The following SLC13A4 variants were observed in gnomAD, a reference collection of about 807,000 sequenced individuals.
The protein encoded by SLC13A4 is Na(+)/sulfate cotransporter SUT-1.
SLC13A4 carries 28 observed loss-of-function variants against 72.7 expected under a neutral mutation model. The ratio of observed to expected loss-of-function variants is 0.39; its 90% CI spans 0.29 to 0.53. The LOEUF (loss-of-function observed/expected upper bound fraction) is 0.53, where lower values mean the gene tolerates loss of function less well. Among genes scored for constraint, SLC13A4 ranks in the 20% least tolerant of loss-of-function variants. The pLI, the probability that SLC13A4 is intolerant of heterozygous loss-of-function variation, is 0.78. For missense variants in SLC13A4, 653 were observed against 788.0 expected (o/e 0.83, Z 2.05); for synonymous variants, 312 against 325.5 (o/e 0.96, Z 0.45).
chr7:135,705,581 G>C lies in SLC13A4; in HGVS notation c.593+15C>G. 6.2e-7 allele frequency: 1 copy of C among 1,613,256 alleles called. No homozygotes were observed. The highest frequency in any genetic ancestry group is 8.5e-7 in the Non-Finnish European group (1 of 1,179,264). On this transcript the variant is annotated intron_variant, in intron 5 of 15. Coordinates refer to ENST00000682651, the MANE Select transcript of SLC13A4 (RefSeq NM_001318192.2). ...CTCTGAGAGGCGCTGTCTGGGAGAG[G>C]GCAGTCATACTCACTCTTCATTGAC...
In SLC13A4 at chr7:135,727,447, A is replaced by G; in HGVS notation, c.50T>C (p.Val17Ala). 1 of 1,550,206 alleles carries G rather than the reference A, an allele frequency of 6.5e-7. No homozygotes were observed. Among genetic ancestry groups the G allele is most frequent in the Non-Finnish European group, 8.7e-7 (1 of 1,146,920 alleles). ...AGGCAGCAGCAGGAGCGGGACGCAG[A>G]CGACCAGCAGCAGCTTCCGGACTCG... ...LLRVRKLLLV[V>A]CVPLLLLPLP... Residue 17 changes from valine (V) to alanine (A), a missense_variant, in exon 1 of 16, where the codon GTC becomes GCC. Val to Ala is a moderately conservative substitution (Grantham distance 64). Transcript: ENST00000682651.
chr7:135,704,780 T>C (rs761366339), intron 5 of SLC13A4: 2 of 152,206 alleles, frequency 1.3e-5, no homozygotes, highest in Non-Finnish European at 2.9e-5. Flanking sequence ...AGAAATCCAA[T>C]ATGCTATGAT....
chr7:135,714,619 C>T (rs557790686), intron 2 of SLC13A4, among the ~76,000 whole-genome samples: 69 of 152,294 alleles, frequency 4.5e-4, no homozygotes, highest in Admixed American at 1.2e-3. Flanking sequence ...CCCACGGGCC[C>T]GCATGCAGAG....
At chr7:135,689,792 G>T (rs28475340) in intron 13 of SLC13A4, among the ~76,000 whole-genome samples, 4,494 of 152,118 alleles carry the variant, frequency 0.03, 226 homozygotes, top group African/African-American at 0.1. Context: ...TCTCACCATG[G>T]GCAGGAGATA....
chr7:135,720,241 A>G (rs1052947402), intron 2 of SLC13A4, among the ~76,000 whole-genome samples: 1 of 152,112 alleles, frequency 6.6e-6, no homozygotes, highest in Admixed American at 6.5e-5. Context: ...ATACCACTTT[A>G]TGGAGTCTTT....
rs1438885364 is a variant in SLC13A4 at position 135,715,466 on chromosome 7, TGA to T, written c.228+5927_228+5928del. ...GTGTGTGAATGTGCATTAGTGCATA[TGA>T]GTGTGTGTATGTGTATGTATGAGTG... On this transcript the variant is annotated intron_variant, in intron 2 of 15. Coordinates refer to ENST00000682651, the MANE Select transcript of SLC13A4 (RefSeq NM_001318192.2). 2.0e-5 allele frequency among the ~76,000 whole-genome samples: 3 copies of T among 147,240 alleles called. No individual in the cohort carries two copies. The South Asian group carries it at 6.6e-4, about 32-fold the overall frequency.
intron 8 of SLC13A4, 106 bp downstream of exon 8, chr7:135,699,258 C>A: frequency 1.7e-6 from 2 of 1,160,202 alleles, no homozygotes; most frequent in Non-Finnish European, 2.3e-6. Flanking sequence ...CCTCTTTCTA[C>A]GGAAACTCTT....
chr7:135,703,898 T>G (rs1796099803), intron 5 of SLC13A4: 1 of 152,172 alleles, frequency 6.6e-6, no homozygotes, highest in Non-Finnish European at 1.5e-5. Context: ...CTTCCCAAAC[T>G]GGGTGAGGAG....
chr7:135,718,070 TAC>T lies in SLC13A4; in HGVS notation c.228+3323_228+3324del, dbSNP rs148088162. ...ATAATTAATCAAGTGAGCCAATTCC[TAC>T]ACACACACACACACACGCGCGCGCG... On this transcript the variant is annotated intron_variant, in intron 2 of 15. Transcript: ENST00000682651. Among the ~76,000 whole-genome samples the T allele has an allele frequency of 7.2e-4, 74 of 102,468 alleles. 1 individual carries two copies. The highest frequency in any genetic ancestry group is 5.2e-3 in the South Asian group (16 of 3,068). The allele number at this position is 102,468 out of a possible 152,430, so 67.2% of individuals were successfully genotyped here.
At chr7:135,684,993 A>C (rs1795588828) in intron 14 of SLC13A4, among the ~76,000 whole-genome samples, 1 of 152,174 alleles carries the variant, frequency 6.6e-6, no homozygotes. Flanking sequence ...TATTCACAAC[A>C]AATTGGTCTG....
At chr7:135,705,993 A>C (rs1584730736) in intron 4 of SLC13A4, 135 bp downstream of exon 4, 1 of 686,006 alleles carries the variant, frequency 1.5e-6, no homozygotes, top group Non-Finnish European at 2.3e-6. Context: ...GGGAAGAGGA[A>C]GGGGAATGTG....
intron 1 of SLC13A4, among the ~76,000 whole-genome samples, chr7:135,722,757 G>A (rs1796574949): frequency 6.6e-6 from 1 of 152,066 alleles, no homozygotes; most frequent in Admixed American, 6.5e-5. Flanking sequence ...TTTTGGATCT[G>A]AGGTCCTACC....
chr7:135,715,917 C>G (rs1022965362), intron 2 of SLC13A4, among the ~76,000 whole-genome samples: 5 of 152,208 alleles, frequency 3.3e-5, no homozygotes, highest in Non-Finnish European at 7.3e-5. Context: ...TGGATGCTCA[C>G]AAGATCATAG....
chr7:135,715,378 TGA>T (rs946359289), intron 2 of SLC13A4, among the ~76,000 whole-genome samples: 20 of 83,830 alleles, frequency 2.4e-4, no homozygotes, highest in African/African-American at 4.6e-4. Context: ...TATGAGTGTG[TGA>T]GTGTGTATGT....
rs1233873648 is a variant in SLC13A4, at chr7:135,681,651, A to G, written c.1796T>C (p.Val599Ala). 6.2e-7 allele frequency: 1 copy of G among 1,614,106 alleles called. No individual in the cohort carries two copies. Among genetic ancestry groups the G allele is most frequent in the Admixed American group, 1.7e-5 (1 of 60,014 alleles). The change falls in exon 16 of 16, where the codon GTG becomes GCG. Residue 599 changes from valine to alanine, a missense_variant. By Grantham distance (64) the Val-to-Ala change is moderately conservative. Coordinates refer to ENST00000682651, the MANE Select transcript of SLC13A4 (RefSeq NM_001318192.2). Reference sequence around the variant, plus strand: ...GCTAACTCCCCAGGTGTTGATGGCCACCATTACTATCACCAGTCCAATAAC... The same window carrying G: ...GCTAACTCCCCAGGTGTTGATGGCCGCCATTACTATCACCAGTCCAATAAC... ...VNVIGLVIVM[V>A]AINTWGVSLF...
intron 15 of SLC13A4, chr7:135,683,190 T>C (rs1473364312): frequency 2.1e-5 from 4 of 186,116 alleles, no homozygotes; most frequent in African/African-American, 9.8e-5. Context: ...TCCAAGGTAC[T>C]CTGGAGGTTG....
chr7:135,699,658 CAGAA>C (rs1795987463), intron 7 of SLC13A4, 110 bp from the exon 8 acceptor site: 2 of 838,550 alleles, frequency 2.4e-6, no homozygotes, highest in African/African-American at 2.1e-5. Context: ...GCTTGGGTGT[CAGAA>C]AGACAAATCA....
At chr7:135,682,504 T>C (rs1430603034) in intron 15 of SLC13A4, among the ~76,000 whole-genome samples, 1 of 152,210 alleles carries the variant, frequency 6.6e-6, no homozygotes, top group Non-Finnish European at 1.5e-5. Flanking sequence ...AAGTGGATGC[T>C]GGGAAATTGT....
chr7:135,714,059 T>C (rs1796362902), intron 2 of SLC13A4, among the ~76,000 whole-genome samples: 1 of 152,228 alleles, frequency 6.6e-6, no homozygotes, highest in South Asian at 2.1e-4. Context: ...GGGGCAGGAA[T>C]GCTGTTTCTG....
Sources: allele counts gnomAD v4.1 joint callset (sites outside exome capture counted in the v4.1 genomes callset), GRCh38; gene constraint gnomAD v4.1.1; transcripts MANE v1.5; gene names NCBI Gene and HGNC (gene_info 2026-07-23, HGNC 2026-07-21).